Variants in SLC9A3 observed in about 807,000 individuals in gnomAD.
SLC9A3 encodes the protein solute carrier family 9 member A3.
In SLC9A3, 37 loss-of-function variants were observed where a neutral mutation model predicts 86.8. The observed-to-expected ratio is 0.43, with a 90% CI of 0.33 to 0.56. The LOEUF is 0.56. Among genes scored for constraint, SLC9A3 ranks in the 20% least tolerant of loss-of-function variants. SLC9A3 has a pLI of 0.06. For missense variants in SLC9A3, 1,011 were observed against 1,171.9 expected (o/e 0.86, Z 2.00); for synonymous variants, 581 against 528.3 (o/e 1.10, Z -1.37).
At chr5:482,453 G>T in intron 7 of SLC9A3, 95 bp downstream of exon 7, 2 of 1,052,796 alleles carry the variant, frequency 1.9e-6, no homozygotes. Flanking sequence ...ACCCAATTAG[G>T]GTCTGGAGCC....
Position 491,400 on chromosome 5 carries a change from C to T in SLC9A3, c.514+369G>A, listed in dbSNP as rs1050793447. Among the ~76,000 whole-genome samples, 19 of 152,280 alleles carry T rather than the reference C, an allele frequency of 1.2e-4. No individual in the cohort carries two copies. In the East Asian group the frequency reaches 2.3e-3, roughly 19 times the overall value. On this transcript the variant is annotated intron_variant, in intron 2 of 16. Transcript: ENST00000264938. The surrounding 1 kb of genome is among the most constrained non-coding windows in gnomAD (Gnocchi z 9.2). ...GCTCCGGCACACAGGCTGGGAGGGACGGTGCCCGATACACCAGGCTCTGCA... is the reference window on the plus strand; with the variant it reads ...GCTCCGGCACACAGGCTGGGAGGGATGGTGCCCGATACACCAGGCTCTGCA...
At chr5:524,076 C>T in intron 1 of SLC9A3, 36 bp downstream of exon 1, 2 of 1,411,172 alleles carry the variant, frequency 1.4e-6, no homozygotes, top group Non-Finnish European at 1.9e-6. Context: ...GGCCGCACAC[C>T]CCGCGGGCAG....
chr5:482,469 A>G, intron 7 of SLC9A3, 79 bp downstream of exon 7: 1 of 1,213,560 alleles, frequency 8.2e-7, no homozygotes, highest in Non-Finnish European at 1.2e-6. Context: ...GAGCCTGGAA[A>G]TGCTTGTCCT....
rs928493081 is a variant in SLC9A3 at position 476,047 on chromosome 5, C to T, written c.2113G>A (p.Ala705Thr). 6.2e-7 allele frequency: 1 copy of T among 1,613,182 alleles called. No homozygotes were observed. Among genetic ancestry groups the T allele is most frequent in the South Asian group, 1.1e-5 (1 of 90,996 alleles). Residue 705 changes from alanine (A) to threonine (T), a missense_variant, in exon 14 of 17, where the codon GCG (alanine) becomes ACG (threonine). Transcript: ENST00000264938. ...PNGKLPMESP[A>T]QNFTIKEKDL... ...TTCTCCTTGATGGTGAAATTCTGCG[C>T]AGGGCTCTCCATGGGCAGCTTCCCA...
In SLC9A3 at chr5:481,544, G is replaced by A. The variant is rs61554242; in HGVS notation, c.1517+21C>T. ...AGAAGCCGGGCTGTGCGACACCGCC[G>A]GGGCCGTCCCAGCCACTTACTTGTC... On this transcript the variant is annotated intron_variant, in intron 9 of 16. Transcript: ENST00000264938. 1,745 of 1,602,804 alleles carry A rather than the reference G, an allele frequency of 1.1e-3. 12 individuals are homozygous for A. The African/African-American group carries it at 0.019, about 18-fold the overall frequency.
intron 1 of SLC9A3, among the ~76,000 whole-genome samples, chr5:512,924 A>G (rs1295493304): frequency 6.6e-6 from 1 of 152,158 alleles, no homozygotes; most frequent in Non-Finnish European, 1.5e-5. Context: ...TGCTGACACT[A>G]CTGTCCGGCG....
rs530024364 is a variant in SLC9A3, at chr5:488,213, A to G, written c.675+103T>C. On this transcript the variant is annotated intron_variant, in intron 3 of 16. Coordinates refer to ENST00000264938, the MANE Select transcript of SLC9A3 (RefSeq NM_004174.4). ...ACGCCCCCGGGAGGGGAGTTTGAGG[A>G]CAGGGTTTCACGCCCTCCTTTGCTG... 9.6e-4 allele frequency: 1,255 copies of G among 1,308,102 alleles called. 3 individuals carry two copies. Among genetic ancestry groups the G allele is most frequent in the Non-Finnish European group, 1.2e-3 (1,109 of 928,952 alleles). 81.0% of individuals were successfully genotyped at this position (1,308,102 alleles called of 1,614,324 possible).
chr5:475,878 C>T (rs1738694640), intron 14 of SLC9A3, 142 bp downstream of exon 14: 2 of 783,842 alleles, frequency 2.6e-6, no homozygotes, highest in South Asian at 1.8e-5. Flanking sequence ...CAGCTGGGGC[C>T]CTGACCATGC....
rs748588017 is a variant in SLC9A3 at position 488,433 on chromosome 5, G to A, written c.558C>T (p.Ser186=). ...CCACCGGGTCCACAGCCGCCATGAGGCTGCCAAACAGGAGGAAGTCCAGCA... is the reference window on the plus strand; with the variant it reads ...CCACCGGGTCCACAGCCGCCATGAGACTGCCAAACAGGAGGAAGTCCAGCA... The part of the protein sequence containing the change: ...IGLLDFLLFG[S]LMAAVDPVAV... The change falls in exon 3 of 17, where the codon AGC becomes AGT. Residue 186 remains serine (S), a synonymous_variant. Coordinates refer to ENST00000264938, the MANE Select transcript of SLC9A3 (RefSeq NM_004174.4). The A allele has an allele frequency of 4.4e-6, 7 of 1,597,722 alleles. No individual in the cohort carries two copies. In the South Asian group the frequency reaches 4.4e-5, roughly 10 times the overall value.
At chr5:517,196 C>T (rs757001570) in intron 1 of SLC9A3, among the ~76,000 whole-genome samples, 2 of 152,010 alleles carry the variant, frequency 1.3e-5, no homozygotes, top group African/African-American at 4.8e-5. Flanking sequence ...TCCATCAATC[C>T]ACTCATCCAT....
In SLC9A3 at chr5:513,058, C is replaced by T. The variant is rs139089525; in HGVS notation, c.211+11054G>A. Among the ~76,000 whole-genome samples the T allele has an allele frequency of 7.5e-4, 114 of 152,274 alleles. 6 individuals are homozygous for T. The East Asian group carries it at 0.013, about 17-fold the overall frequency. ...GCAGAAACTGGGGCTGGAGAATTGC[C>T]TCCTGCAGCGATACTGAGACTTAGG... On this transcript the variant is annotated intron_variant, in intron 1 of 16. Coordinates refer to ENST00000264938, the MANE Select transcript of SLC9A3 (RefSeq NM_004174.4).
chr5:471,903 A>G lies in SLC9A3; in HGVS notation c.*1476T>C, dbSNP rs1738377262. The G allele has an allele frequency of 2.2e-6, 1 of 456,560 alleles. No individual in the cohort carries two copies. The highest frequency in any genetic ancestry group is 2.3e-5 in the Admixed American group (1 of 42,572). 28.3% of individuals were successfully genotyped at this position (456,560 alleles called of 1,614,324 possible). A position where few individuals can be genotyped will look rare whatever the true frequency, so the allele number is the denominator to read the frequency against. On this transcript the variant is annotated 3_prime_UTR_variant, in exon 17 of 17. Transcript: ENST00000264938. Reference sequence around the variant, plus strand: ...GGGACTCAATGGGGACTCAATGTGCAATATTCAGTCAACATAAAACTCTTT... The same window carrying G: ...GGGACTCAATGGGGACTCAATGTGCGATATTCAGTCAACATAAAACTCTTT...
At chr5:477,886 C>G in intron 10 of SLC9A3, 1 of 157,268 alleles carries the variant, frequency 6.4e-6, no homozygotes, top group Middle Eastern at 2.9e-3. Context: ...GGCACAGAAG[C>G]CACACAGCTG....
At chr5:481,671 G>A (rs370043516) in intron 8 of SLC9A3, 36 bp from the exon 9 acceptor site, 48 of 1,566,188 alleles carry the variant, frequency 3.1e-5, no homozygotes, top group East Asian at 1.3e-4. Context: ...GTCTCGGGGC[G>A]GCCAACCGGG....
intron 1 of SLC9A3, among the ~76,000 whole-genome samples, chr5:492,778 G>A (rs995318706): frequency 2.4e-4 from 36 of 152,268 alleles, no homozygotes; most frequent in African/African-American, 7.5e-4. Flanking sequence ...TGTCCCTGAC[G>A]TTGTGGCCAG....
Position 475,044 on chromosome 5 carries a change from C to G in SLC9A3, c.2340G>C (p.Thr780=), listed in dbSNP as rs1232061138. 1.2e-6 allele frequency: 2 copies of G among 1,612,234 alleles called. No individual in the cohort carries two copies. The highest frequency in any genetic ancestry group is 1.7e-6 in the Non-Finnish European group (2 of 1,179,746). ...RLPPWLSPGE[T]VVPSQRARTQ... is the part of the protein sequence containing the mutation. Reference sequence around the variant, plus strand: ...TGCGGGCCCTCTGCGAGGGGACCACCGTCTCCCCGGGAGACAGCCAGGGCG... The same window carrying G: ...TGCGGGCCCTCTGCGAGGGGACCACGGTCTCCCCGGGAGACAGCCAGGGCG... The change falls in exon 16 of 17, where the codon ACG becomes ACC. Residue 780 remains threonine (T), a synonymous_variant. Transcript: ENST00000264938.
At position 475,110 on chromosome 5, in the gene SLC9A3, A is replaced by G. The variant is rs1469274350; in HGVS notation, c.2274T>C (p.Ser758=). Residue 758 remains serine (S), a synonymous_variant, in exon 16 of 17, where the codon TCT becomes TCC. Transcript: ENST00000264938. The part of the protein sequence containing the change: ...SPAGIDNPVF[S]PDEALDRSLL... ...GGCTGCGGTCCAGGGCCTCGTCCGG[A>G]GAAAACACAGGGTTGTCAATTCCTA... 2 of 1,603,050 alleles carry G rather than the reference A, an allele frequency of 1.2e-6. No homozygotes were observed. The highest frequency in any genetic ancestry group is 1.1e-5 in the South Asian group (1 of 90,486).
chr5:475,624 TCTC>T lies in SLC9A3; in HGVS notation c.2185_2187del (p.Glu729del), dbSNP rs774434563. 60 of 1,552,284 alleles carry T rather than the reference TCTC, an allele frequency of 3.9e-5. No individual in the cohort carries two copies. Among genetic ancestry groups the T allele is most frequent in the African/African-American group, 8.2e-5 (6 of 73,042 alleles). ...GCCAGGAACTCGATCCCCCCACTCA[TCTC>T]CTCATCATAGTTGGGGGGCTCCTCG... On this transcript the variant is annotated inframe_deletion, in exon 15 of 17. Transcript: ENST00000264938.
Position 488,608 on chromosome 5 carries a change from T to C in SLC9A3, c.515-132A>G, listed in dbSNP as rs13360817. 26,815 of 898,918 alleles carry C rather than the reference T, an allele frequency of 0.03. 4,467 individuals carry two copies. In the African/African-American group the frequency reaches 0.38, roughly 13 times the overall value. The allele number at this position is 898,918 out of a possible 1,614,324, so 55.7% of individuals were successfully genotyped here. ...GGCGCCGGTGGCGTGGGGAGCTGGG[T>C]CAGCTTCCTGCGTCCCTCCCACAGA... is the stretch of plus-strand genomic sequence containing the variant. On this transcript the variant is annotated intron_variant, in intron 2 of 16. Coordinates refer to ENST00000264938, the MANE Select transcript of SLC9A3 (RefSeq NM_004174.4).
Sources: allele counts gnomAD v4.1 joint callset (sites outside exome capture counted in the v4.1 genomes callset), GRCh38; gene constraint gnomAD v4.1.1; non-coding constraint Gnocchi (gnomAD v3.1); transcripts MANE v1.5; gene names NCBI Gene and HGNC (gene_info 2026-07-23, HGNC 2026-07-21).